Variants in GTF2H1 observed in about 807,000 individuals in gnomAD.
The protein encoded by GTF2H1 is general transcription factor IIH subunit 1.
A neutral mutation model predicts 71.2 loss-of-function variants in GTF2H1; 16 were observed. That is an observed-to-expected ratio of 0.22 (90% CI 0.15 to 0.34). GTF2H1 has a LOEUF of 0.34. GTF2H1 is among the 10% of genes least tolerant of loss of function. The probability of loss-of-function intolerance (pLI) is 1.00; values close to 1 mark genes in which losing one functional copy is unlikely to be tolerated. For synonymous variants in GTF2H1, 215 were observed against 219.0 expected, an observed-to-expected ratio of 0.98 and a Z score of 0.16; for missense variants, 498 against 648.2, an observed-to-expected ratio of 0.77 and a Z score of 2.52.
rs775787558 is a variant in GTF2H1, at chr11:18,338,197, C to T, written c.436C>T (p.Arg146Cys). 5 of 1,606,936 alleles carry T rather than the reference C, an allele frequency of 3.1e-6. No individual in the cohort carries two copies. Among genetic ancestry groups the T allele is most frequent in the Non-Finnish European group, 4.3e-6 (5 of 1,173,470 alleles). Residue 146 changes from arginine (R) to cysteine (C), a missense_variant, in exon 4 of 15, where the codon CGT becomes TGT. By Grantham distance (180) the Arg-to-Cys change is radical. Coordinates refer to ENST00000265963, the MANE Select transcript of GTF2H1 (RefSeq NM_005316.4). ...VISAEEFWANRLNVNATDSSS... is the reference protein window; with the variant it reads ...VISAEEFWANCLNVNATDSSS... ...CAGTGCTGAGGAATTCTGGGCCAAT[C>T]GTTTAAATGTGAATGCAACAGATAG...
At chr11:18,356,872 C>T (rs941360982) in intron 11 of GTF2H1, among the ~76,000 whole-genome samples, 3 of 150,770 alleles carry the variant, frequency 2.0e-5, no homozygotes, top group Non-Finnish European at 2.9e-5. Flanking sequence ...TCACTGCAGC[C>T]TCAACTTCCC....
rs1864716050 is a variant in GTF2H1, at chr11:18,324,661, G to A, written c.-16+1921G>A. 3.3e-5 allele frequency among the ~76,000 whole-genome samples: 5 copies of A among 152,210 alleles called. No homozygotes were observed. The South Asian group carries it at 8.3e-4, about 25-fold the overall frequency. Reference sequence around the variant, plus strand: ...CTGCCTTATGCATACTGCTGATAGAGATGTCTTTGTGCCCTTCCTTTCTCT... The same window carrying A: ...CTGCCTTATGCATACTGCTGATAGAAATGTCTTTGTGCCCTTCCTTTCTCT... On this transcript the variant is annotated intron_variant, in intron 1 of 14. Coordinates refer to ENST00000265963, the MANE Select transcript of GTF2H1 (RefSeq NM_005316.4).
chr11:18,324,489 C>CT (rs1489789821), intron 1 of GTF2H1, among the ~76,000 whole-genome samples: 1 of 152,202 alleles, frequency 6.6e-6, no homozygotes, highest in African/African-American at 2.4e-5. Context: ...CCTGTGTGTA[C>CT]TGCCCTCAAG....
chr11:18,334,080 A>G (rs4150567), intron 2 of GTF2H1, among the ~76,000 whole-genome samples: 2,669 of 152,266 alleles, frequency 0.018, 55 homozygotes, highest in African/African-American at 0.052. Flanking sequence ...CATTTCTACT[A>G]AAAATACAAA....
intron 1 of GTF2H1, among the ~76,000 whole-genome samples, chr11:18,323,174 C>T (rs1389517321): frequency 2.0e-5 from 3 of 152,132 alleles, no homozygotes; most frequent in Non-Finnish European, 4.4e-5. Flanking sequence ...TCCACACACT[C>T]CTAGTTTTGG....
chr11:18,365,941 C>A lies in GTF2H1; in HGVS notation c.*72C>A. On this transcript the variant is annotated 3_prime_UTR_variant, in exon 15 of 15. Transcript: ENST00000265963. Reference sequence around the variant, plus strand: ...CCTGCAGCAACTCTGGAAACCTGGCCTGACAGACAAGCAGATGACCTCACA... The same window carrying A: ...CCTGCAGCAACTCTGGAAACCTGGCATGACAGACAAGCAGATGACCTCACA... 1 of 1,007,122 alleles carries A rather than the reference C, an allele frequency of 9.9e-7. No homozygotes were observed. The highest frequency in any genetic ancestry group is 1.6e-6 in the Non-Finnish European group (1 of 643,614). The allele number at this position is 1,007,122 out of a possible 1,614,324, so 62.4% of individuals were successfully genotyped here.
At chr11:18,332,447 G>T (rs934038272) in intron 1 of GTF2H1, among the ~76,000 whole-genome samples, 4 of 152,190 alleles carry the variant, frequency 2.6e-5, no homozygotes, top group Non-Finnish European at 4.4e-5. Flanking sequence ...TCTTTCTTAG[G>T]TAACTAGTTA....
rs1016062128 is a variant in GTF2H1, at chr11:18,322,633, C to T, written c.-123C>T. On this transcript the variant is annotated 5_prime_UTR_variant, in exon 1 of 15. Transcript: ENST00000265963. Reference sequence around the variant, plus strand: ...ACAGAGGCGGTGGCTACTGCTGCGGCCACTGGGTTTCGGCCTCTTCCCAGC... The same window carrying T: ...ACAGAGGCGGTGGCTACTGCTGCGGTCACTGGGTTTCGGCCTCTTCCCAGC... 3 of 152,276 alleles carry T rather than the reference C, an allele frequency of 2.0e-5. No homozygotes were observed. The highest frequency in any genetic ancestry group is 7.2e-5 in the African/African-American group (3 of 41,462). 9.4% of individuals were successfully genotyped at this position (152,276 alleles called of 1,614,324 possible).
chr11:18,334,176 G>A (rs565791241), intron 2 of GTF2H1, among the ~76,000 whole-genome samples: 20 of 152,106 alleles, frequency 1.3e-4, no homozygotes, highest in Non-Finnish European at 2.1e-4. Context: ...TCAGGAGATC[G>A]AGACCATCCT....
intron 7 of GTF2H1, among the ~76,000 whole-genome samples, chr11:18,343,316 G>T (rs575543022): frequency 6.6e-6 from 1 of 152,202 alleles, no homozygotes; most frequent in Non-Finnish European, 1.5e-5. Context: ...AGCCTAGTGC[G>T]TAATAAGTAG....
At chr11:18,359,936 A>G (rs1238360940) in intron 13 of GTF2H1, among the ~76,000 whole-genome samples, 1 of 151,862 alleles carries the variant, frequency 6.6e-6, no homozygotes, top group African/African-American at 2.4e-5. Flanking sequence ...AACTTGGGCA[A>G]CATGGCAGAA....
In GTF2H1 at chr11:18,340,425, C is replaced by T. The variant is rs4150594; in HGVS notation, c.607+768C>T. ...GCCTCCGCCTCCCAAGTAGCTGGGA[C>T]TACAGGCACGTGCCACCACGCCAAG... On this transcript the variant is annotated intron_variant, in intron 5 of 14. Transcript: ENST00000265963. 6.2e-3 allele frequency among the ~76,000 whole-genome samples: 950 copies of T among 152,160 alleles called. 14 individuals are homozygous for T. The highest frequency in any genetic ancestry group is 0.022 in the African/African-American group (917 of 41,528).
intron 7 of GTF2H1, among the ~76,000 whole-genome samples, chr11:18,343,868 C>T (rs1303031869): frequency 1.3e-5 from 2 of 152,208 alleles, no homozygotes; most frequent in Non-Finnish European, 2.9e-5. Context: ...CGGGCTCACT[C>T]TGTTGCCCAG....
At chr11:18,345,487 C>G (rs1001199294) in intron 7 of GTF2H1, among the ~76,000 whole-genome samples, 2 of 150,946 alleles carry the variant, frequency 1.3e-5, no homozygotes, top group Non-Finnish European at 3.0e-5. Context: ...CATTGATGAA[C>G]AGCATATGGA....
intron 1 of GTF2H1, among the ~76,000 whole-genome samples, chr11:18,327,389 T>C (rs1864792363): frequency 6.6e-6 from 1 of 152,174 alleles, no homozygotes; most frequent in South Asian, 2.1e-4. Flanking sequence ...ATTTTCAGAG[T>C]AACATAGTGA....
chr11:18,339,468 GAAATT>G, intron 4 of GTF2H1, 91 bp from the exon 5 acceptor site: 1 of 768,196 alleles, frequency 1.3e-6, no homozygotes, highest in Non-Finnish European at 2.2e-6. Flanking sequence ...AGTTAGTTCA[GAAATT>G]TTTTTTTCCA....
chr11:18,349,624 A>G (rs1865380879), intron 9 of GTF2H1, among the ~76,000 whole-genome samples: 1 of 152,236 alleles, frequency 6.6e-6, no homozygotes, highest in African/African-American at 2.4e-5. Context: ...CGGAGTTCGC[A>G]GTGAGCTGGG....
intron 1 of GTF2H1, among the ~76,000 whole-genome samples, chr11:18,326,959 C>T (rs999593408): frequency 1.3e-5 from 2 of 151,976 alleles, no homozygotes; most frequent in African/African-American, 4.8e-5. Flanking sequence ...CTCCCAACCT[C>T]AAGTGATCCA....
intron 1 of GTF2H1, among the ~76,000 whole-genome samples, chr11:18,331,627 T>C (rs752457995): frequency 6.6e-6 from 1 of 151,786 alleles, no homozygotes; most frequent in African/African-American, 2.4e-5. Context: ...GATCACACCA[T>C]TGCATTCCAG....
Sources: allele counts gnomAD v4.1 joint callset (sites outside exome capture counted in the v4.1 genomes callset), GRCh38; gene constraint gnomAD v4.1.1; transcripts MANE v1.5; gene names NCBI Gene and HGNC (gene_info 2026-07-23, HGNC 2026-07-21).